The following RAPH1 variants were observed in gnomAD, a reference collection of about 807,000 sequenced individuals.
The protein encoded by RAPH1 is Ras association (RalGDS/AF-6) and pleckstrin homology domains 1, also known as ras-associated and pleckstrin homology domains-containing protein 1.
In RAPH1, 18 loss-of-function variants were observed where a neutral mutation model predicts 88.1. The observed-to-expected ratio is 0.20, with a 90% CI of 0.14 to 0.30. The LOEUF is 0.30. RAPH1 is among the 10% of genes least tolerant of loss of function. The pLI is 1.00. For synonymous variants in RAPH1, 587 were observed against 559.0 expected (o/e 1.05, Z -0.71); for missense variants, 1,448 against 1,543.2 (o/e 0.94, Z 1.03).
At chr2:203,523,317 CG>C (rs769497235) in intron 1 of RAPH1, among the ~76,000 whole-genome samples, 4 of 147,376 alleles carry the variant, frequency 2.7e-5, no homozygotes, top group Non-Finnish European at 4.5e-5. Context: ...GGCGTGAATA[CG>C]GGGGGCGGAG....
intron 3 of RAPH1, among the ~76,000 whole-genome samples, 161 bp downstream of exon 3, chr2:203,491,053 A>AC (rs1290837640): frequency 3.3e-5 from 5 of 151,828 alleles, no homozygotes; most frequent in African/African-American, 1.2e-4. Flanking sequence ...TCAAAAAAAA[A>AC]AAAAAAAGAA....
At chr2:203,450,963 TCTC>T (rs1170741927) in intron 10 of RAPH1, among the ~76,000 whole-genome samples, 1 of 152,022 alleles carries the variant, frequency 6.6e-6, no homozygotes, top group Non-Finnish European at 1.5e-5. Flanking sequence ...TCCACCCTGT[TCTC>T]CTCATCTCTC....
In RAPH1 at chr2:203,438,137, C is replaced by T. The variant is rs1018451598; in HGVS notation, c.*1300G>A. The T allele has an allele frequency of 1.9e-6, 1 of 518,670 alleles. No homozygotes were observed. The highest frequency in any genetic ancestry group is 1.9e-5 in the Admixed American group (1 of 51,552). 32.1% of individuals were successfully genotyped at this position (518,670 alleles called of 1,614,324 possible). On this transcript the variant is annotated 3_prime_UTR_variant, in exon 14 of 14. Transcript: ENST00000319170. ...GGACTGTCCCACTCCATCAGAACACCTAGTAACCTGAACTAATCACAACCA... is the reference window on the plus strand; with the variant it reads ...GGACTGTCCCACTCCATCAGAACACTTAGTAACCTGAACTAATCACAACCA...
chr2:203,468,009 C>G (rs1330351968), intron 4 of RAPH1, among the ~76,000 whole-genome samples: 2 of 152,014 alleles, frequency 1.3e-5, no homozygotes, highest in African/African-American at 4.8e-5. Flanking sequence ...GGCTTGAACT[C>G]CACCACCTGC....
chr2:203,439,476 G>T lies in RAPH1; in HGVS notation c.3714C>A (p.Pro1238=), dbSNP rs143319872. Residue 1238 remains proline, a synonymous_variant, in exon 14 of 14, where the codon CCC becomes CCA. Coordinates refer to ENST00000319170, the MANE Select transcript of RAPH1 (RefSeq NM_213589.3). ...TLRRGPPPAP[P]KRDQNTKLSR... ...AGAGCTTGGTGTTCTGGTCTCTTTTGGGGGGAGCAGGAGGGGGTCCTCTCC... is the reference window on the plus strand; with the variant it reads ...AGAGCTTGGTGTTCTGGTCTCTTTTTGGGGGAGCAGGAGGGGGTCCTCTCC... The T allele has an allele frequency of 3.7e-4, 604 of 1,613,916 alleles. 4 individuals are homozygous for T. The African/African-American group carries it at 6.9e-3, about 18-fold the overall frequency.
At chr2:203,493,972 A>C (rs1319284706) in intron 2 of RAPH1, among the ~76,000 whole-genome samples, 1 of 104,226 alleles carries the variant, frequency 9.6e-6, no homozygotes, top group Non-Finnish European at 1.8e-5. Context: ...ACTCTATCTC[A>C]AAAAAAAAAA....
intron 4 of RAPH1, among the ~76,000 whole-genome samples, chr2:203,482,323 T>A (rs930331314): frequency 1.3e-5 from 2 of 152,078 alleles, no homozygotes; most frequent in Non-Finnish European, 2.9e-5. Context: ...GTAGCTGGGA[T>A]TACAGGTGCC....
intron 1 of RAPH1, among the ~76,000 whole-genome samples, chr2:203,527,088 A>T (rs1690156577): frequency 6.6e-6 from 1 of 152,078 alleles, no homozygotes. Context: ...TTGGCCTAAC[A>T]ATACTTCAGT....
chr2:203,529,005 ATT>A (rs66832810), intron 1 of RAPH1, among the ~76,000 whole-genome samples: 1,271 of 40,396 alleles, frequency 0.031, 2 homozygotes, highest in South Asian at 0.034. Flanking sequence ...ATATATATAT[ATT>A]TTTTTTTTTT....
At chr2:203,527,456 G>A (rs148315110) in intron 1 of RAPH1, among the ~76,000 whole-genome samples, 1 of 151,964 alleles carries the variant, frequency 6.6e-6, no homozygotes, top group African/African-American at 2.4e-5. Flanking sequence ...ACGAGAGACT[G>A]GTATTCCAGA....
chr2:203,469,314 G>A (rs188790506), intron 4 of RAPH1, among the ~76,000 whole-genome samples: 8 of 152,296 alleles, frequency 5.3e-5, no homozygotes, highest in Admixed American at 4.6e-4. Context: ...TCTACCACCA[G>A]TCATAGATCT....
rs1427769950 is a variant in RAPH1 at position 203,440,714 on chromosome 2, G to A, written c.2476C>T (p.Pro826Ser). 1.9e-6 allele frequency: 3 copies of A among 1,605,250 alleles called. No homozygotes were observed. The highest frequency in any genetic ancestry group is 2.2e-5 in the South Asian group (2 of 89,534). ...QPAFPASYIP[P>S]SPPTPPVPVP... Reference sequence around the variant, plus strand: ...GGAACAGGAGGGGTAGGGGGAGAGGGTGGAATGTAAGAAGCAGGGAAAGCT... The same window carrying A: ...GGAACAGGAGGGGTAGGGGGAGAGGATGGAATGTAAGAAGCAGGGAAAGCT... Residue 826 changes from proline to serine, a missense_variant, in exon 14 of 14, where the codon CCC (proline) becomes TCC (serine). Pro to Ser is a moderately conservative substitution (Grantham distance 74). Transcript: ENST00000319170.
intron 1 of RAPH1, among the ~76,000 whole-genome samples, chr2:203,520,511 G>A (rs879736879): frequency 2.6e-5 from 4 of 151,768 alleles, no homozygotes; most frequent in East Asian, 1.9e-4. Flanking sequence ...CCTGTAGTTC[G>A]AGCTACTCAG....
At chr2:203,499,173 GT>G (rs1005659950) in intron 1 of RAPH1, among the ~76,000 whole-genome samples, 1 of 152,144 alleles carries the variant, frequency 6.6e-6, no homozygotes, top group African/African-American at 2.4e-5. Context: ...TTTAAACTGA[GT>G]TTTTTTCCTA....
rs532747748 is a variant in RAPH1 at position 203,502,611 on chromosome 2, G to A, written c.1-7258C>T. On this transcript the variant is annotated intron_variant, in intron 1 of 13. Transcript: ENST00000319170. ...CCGAGGCGGGCGGATCACGAGGTCA[G>A]GAGATTGAGACCATCCTGGCTAACA... Among the ~76,000 whole-genome samples the A allele has an allele frequency of 4.2e-4, 61 of 146,836 alleles. 1 individual carries two copies. The South Asian group carries it at 0.01, about 25-fold the overall frequency.
intron 1 of RAPH1, among the ~76,000 whole-genome samples, chr2:203,504,364 G>C (rs1239020052): frequency 6.6e-6 from 1 of 152,230 alleles, no homozygotes; most frequent in Non-Finnish European, 1.5e-5. Context: ...AACACCACAT[G>C]GAAGCTGCCA....
chr2:203,444,893 C>G lies in RAPH1; in HGVS notation c.1751G>C (p.Gly584Ala). 1 of 1,614,048 alleles carries G rather than the reference C, an allele frequency of 6.2e-7. No individual in the cohort carries two copies. The highest frequency in any genetic ancestry group is 2.2e-5 in the East Asian group (1 of 44,884). ...SSVFSEAWKR[G>A]TQLEESSKAR... ...CTTGCTGGACTCTTCCAACTGAGTG[C>G]CTCGTTTCCAGGCTTCAGAGAATAC... Residue 584 changes from glycine (G) to alanine (A), a missense_variant, in exon 13 of 14, where the codon GGC (glycine) becomes GCC (alanine). Physicochemically the swap from Gly to Ala is moderately conservative, Grantham distance 60. Around this residue, in one of 2 missense-constraint regions of RAPH1, gnomAD observed 935 missense variants for 890.1 expected, o/e 1.05. Coordinates refer to ENST00000319170, the MANE Select transcript of RAPH1 (RefSeq NM_213589.3).
At position 203,439,295 on chromosome 2, in the gene RAPH1, T is replaced by TAC; in HGVS notation, c.*140_*141dup. ...GTACAGCTGTGTGTACATGCACGTG[T>TAC]ACACACACACATACACATATAGCTG... On this transcript the variant is annotated 3_prime_UTR_variant, in exon 14 of 14. Coordinates refer to ENST00000319170, the MANE Select transcript of RAPH1 (RefSeq NM_213589.3). 1.1e-5 allele frequency: 8 copies of TAC among 699,612 alleles called. No individual in the cohort carries two copies. In the South Asian group the frequency reaches 1.2e-4, roughly 11 times the overall value. 43.3% of individuals were successfully genotyped at this position (699,612 alleles called of 1,614,324 possible). A position where few individuals can be genotyped will look rare whatever the true frequency, so the allele number is the denominator to read the frequency against.
intron 1 of RAPH1, among the ~76,000 whole-genome samples, chr2:203,517,598 C>A (rs1689675153): frequency 6.6e-6 from 1 of 152,042 alleles, no homozygotes; most frequent in African/African-American, 2.4e-5. Flanking sequence ...TACTCCAAGA[C>A]AGATCACATT....
Sources: gnomAD v4.1 joint callset for allele counts (sites outside exome capture counted in the v4.1 genomes callset) on GRCh38, gnomAD v4.1.1 for gene constraint, gnomAD v4.1.1 regional missense constraint, MANE v1.5 for transcripts, NCBI Gene and HGNC (gene_info 2026-07-23, HGNC 2026-07-21) for gene names.